The following VAV3 variants were observed in gnomAD, a reference collection of about 807,000 sequenced individuals.
VAV3 encodes the protein guanine nucleotide exchange factor VAV3.
In VAV3, 94 loss-of-function variants were observed where a neutral mutation model predicts 131.2. The observed-to-expected ratio is 0.72, with a 90% CI of 0.61 to 0.85. The LOEUF is 0.85. VAV3 is among the 40% of genes least tolerant of loss of function. VAV3 has a pLI of 0.00. For missense variants in VAV3, 939 were observed against 1,002.7 expected (o/e 0.94, Z 0.86); for synonymous variants, 349 against 342.0 (o/e 1.02, Z -0.22).
At chr1:107,781,572 G>A (rs1027499085) in intron 2 of VAV3, among the ~76,000 whole-genome samples, 3 of 152,096 alleles carry the variant, frequency 2.0e-5, no homozygotes, top group Non-Finnish European at 2.9e-5. Flanking sequence ...AAACAAAAGA[G>A]AAGGGAGCAA....
Position 107,704,664 on chromosome 1 carries a change from T to C in VAV3, c.1605-14A>G. Reference sequence around the variant, plus strand: ...TAAAATGTTCCCCTGAAAGGTGAAATAAGAAAGTGGTATATTAAACGGTGC... The same window carrying C: ...TAAAATGTTCCCCTGAAAGGTGAAACAAGAAAGTGGTATATTAAACGGTGC... On this transcript the variant is annotated splice_polypyrimidine_tract_variant and intron_variant, in intron 16 of 26. Coordinates refer to ENST00000370056, the MANE Select transcript of VAV3 (RefSeq NM_006113.5). The C allele has an allele frequency of 1.3e-6, 2 of 1,597,624 alleles. No homozygotes were observed. The highest frequency in any genetic ancestry group is 2.2e-5 in the South Asian group (2 of 90,266).
chr1:107,849,997 G>C (rs956035075), intron 2 of VAV3, among the ~76,000 whole-genome samples: 11 of 152,194 alleles, frequency 7.2e-5, no homozygotes, highest in African/African-American at 2.4e-4. Flanking sequence ...GGTCATTAGA[G>C]AAATTCAGAT....
intron 21 of VAV3, among the ~76,000 whole-genome samples, chr1:107,611,525 TTCCCTC>T (rs1480737500): frequency 6.6e-6 from 1 of 151,708 alleles, no homozygotes; most frequent in African/African-American, 2.4e-5. Flanking sequence ...TATTTCCTCT[TTCCCTC>T]TCCCTGTGTT....
chr1:107,894,138 CT>C (rs1469192422), intron 1 of VAV3, among the ~76,000 whole-genome samples: 1 of 152,186 alleles, frequency 6.6e-6, no homozygotes, highest in Non-Finnish European at 1.5e-5. Context: ...CTATAGTTGA[CT>C]GTAAATGGAC....
chr1:107,918,705 AT>A (rs66707621), intron 1 of VAV3, among the ~76,000 whole-genome samples: 2,454 of 76,926 alleles, frequency 0.032, 27 homozygotes, highest in African/African-American at 0.057. Flanking sequence ...ATATATATAT[AT>A]TTTTTTTTTT....
intron 20 of VAV3, among the ~76,000 whole-genome samples, chr1:107,618,526 T>C (rs551021113): frequency 1.2e-4 from 19 of 152,346 alleles, no homozygotes; most frequent in Non-Finnish European, 2.5e-4. Context: ...GGTGCAAAAG[T>C]AATTGTGGTT....
At chr1:107,629,329 T>C (rs1654265741) in intron 20 of VAV3, among the ~76,000 whole-genome samples, 1 of 152,234 alleles carries the variant, frequency 6.6e-6, no homozygotes, top group African/African-American at 2.4e-5. Context: ...AGTATAGTTA[T>C]CTTTTCTGGG....
intron 1 of VAV3, among the ~76,000 whole-genome samples, chr1:107,956,287 A>G (rs1674809296): frequency 6.6e-6 from 1 of 152,220 alleles, no homozygotes; most frequent in African/African-American, 2.4e-5. Flanking sequence ...GGAAAGAAGA[A>G]AAGGTAGTAC....
At chr1:107,693,861 C>T (rs1000832982) in intron 17 of VAV3, among the ~76,000 whole-genome samples, 22 of 152,132 alleles carry the variant, frequency 1.4e-4, no homozygotes, top group South Asian at 4.1e-4. Context: ...CATTGCCCAG[C>T]TTCCCTTGCA....
chr1:107,887,593 A>G (rs1326698013), intron 1 of VAV3, among the ~76,000 whole-genome samples: 1 of 152,114 alleles, frequency 6.6e-6, no homozygotes, highest in Non-Finnish European at 1.5e-5. Context: ...TACATCCCTC[A>G]TATTGCCTTT....
At chr1:107,623,232 A>T (rs1653736790) in intron 20 of VAV3, among the ~76,000 whole-genome samples, 1 of 152,204 alleles carries the variant, frequency 6.6e-6, no homozygotes, top group African/African-American at 2.4e-5. Context: ...TAAAACAGGG[A>T]TGATGACAAG....
chr1:107,712,700 T>C, intron 15 of VAV3, among the ~76,000 whole-genome samples: 1 of 152,240 alleles, frequency 6.6e-6, no homozygotes, highest in Non-Finnish European at 1.5e-5. Context: ...AATTATCTAA[T>C]ATGTGCCATG....
chr1:107,829,325 T>G (rs1023204877), intron 2 of VAV3, among the ~76,000 whole-genome samples: 1 of 152,174 alleles, frequency 6.6e-6, no homozygotes, highest in African/African-American at 2.4e-5. Context: ...TTCCCCTGAT[T>G]TATATAGCTT....
At chr1:107,594,287 C>T (rs1198328707) in intron 25 of VAV3, among the ~76,000 whole-genome samples, 1 of 152,064 alleles carries the variant, frequency 6.6e-6, no homozygotes, top group Non-Finnish European at 1.5e-5. Context: ...GGAACTTTGT[C>T]TTCTTAATTG....
intron 19 of VAV3, among the ~76,000 whole-genome samples, chr1:107,681,101 GC>G (rs1300370188): frequency 6.6e-6 from 1 of 152,054 alleles, no homozygotes; most frequent in Non-Finnish European, 1.5e-5. Context: ...TTTGAACATG[GC>G]TCTGAAATTT....
At chr1:107,727,195 G>A (rs1437906967) in intron 15 of VAV3, among the ~76,000 whole-genome samples, 1 of 152,234 alleles carries the variant, frequency 6.6e-6, no homozygotes, top group African/African-American at 2.4e-5. Context: ...TTTCAGAGAA[G>A]AAGACAGGCT....
At chr1:107,755,054 A>G (rs901999723) in intron 12 of VAV3, among the ~76,000 whole-genome samples, 2 of 152,118 alleles carry the variant, frequency 1.3e-5, no homozygotes, top group African/African-American at 4.8e-5. Context: ...GCCCCAAGCA[A>G]AGTGTCTGGG....
chr1:107,797,345 A>G (rs1009903888), intron 2 of VAV3, among the ~76,000 whole-genome samples: 3 of 152,326 alleles, frequency 2.0e-5, no homozygotes, highest in Non-Finnish European at 2.9e-5. Context: ...TTAAATATTT[A>G]TTGAGTATCT....
intron 17 of VAV3, among the ~76,000 whole-genome samples, chr1:107,703,353 C>T (rs1458662416): frequency 1.3e-5 from 2 of 152,080 alleles, no homozygotes; most frequent in Admixed American, 6.6e-5. Flanking sequence ...TATTTAACAG[C>T]CCTTGAGTAA....
Sources: gnomAD v4.1 joint callset for allele counts (sites outside exome capture counted in the v4.1 genomes callset) on GRCh38, gnomAD v4.1.1 for gene constraint, MANE v1.5 for transcripts, NCBI Gene and HGNC (gene_info 2026-07-23, HGNC 2026-07-21) for gene names.